The following ZNF704 variants were observed in gnomAD, a reference collection of about 807,000 sequenced individuals.
ZNF704 encodes glucocorticoid induced gene 1.
In ZNF704, 10 loss-of-function variants were observed where a neutral mutation model predicts 44.7. That is an observed-to-expected ratio of 0.22 (90% CI 0.14 to 0.38). The LOEUF is 0.38. ZNF704 is among the 10% of genes least tolerant of loss of function. The pLI, the probability that ZNF704 is intolerant of heterozygous loss-of-function variation, is 1.00. For missense variants in ZNF704, 390 were observed against 545.5 expected (o/e 0.71, Z 2.84); for synonymous variants, 211 against 207.6 (o/e 1.02, Z -0.14).
intron 1 of ZNF704, among the ~76,000 whole-genome samples, chr8:80,854,408 C>A (rs1808922883): frequency 6.6e-6 from 1 of 152,158 alleles, no homozygotes; most frequent in Non-Finnish European, 1.5e-5. Context: ...AGAGGGACTG[C>A]TTGAGCTTGG....
chr8:80,769,946 G>A (rs907710720), intron 2 of ZNF704, among the ~76,000 whole-genome samples: 1 of 152,144 alleles, frequency 6.6e-6, no homozygotes, highest in Admixed American at 6.5e-5. Context: ...ACAGTTCCAC[G>A]TGGCTGGGGA....
chr8:80,841,398 C>CCT (rs1554586643), intron 1 of ZNF704, among the ~76,000 whole-genome samples: 2 of 151,522 alleles, frequency 1.3e-5, no homozygotes, highest in African/African-American at 4.8e-5. Flanking sequence ...TTCTGCATTT[C>CCT]TTTTTTTTTC....
At chr8:80,656,524 C>A (rs1818019175) in intron 7 of ZNF704, among the ~76,000 whole-genome samples, 1 of 152,206 alleles carries the variant, frequency 6.6e-6, no homozygotes. Flanking sequence ...TCCTACCCCT[C>A]TCCCCACAGC....
chr8:80,741,917 A>G (rs1473378779), intron 2 of ZNF704, among the ~76,000 whole-genome samples: 1 of 152,208 alleles, frequency 6.6e-6, no homozygotes, highest in Non-Finnish European at 1.5e-5. Flanking sequence ...GGCAAAACTA[A>G]TAGCCCTCAC....
intron 2 of ZNF704, among the ~76,000 whole-genome samples, chr8:80,775,191 A>G (rs16908014): frequency 0.13 from 20,321 of 152,198 alleles, 2,113 homozygotes; most frequent in African/African-American, 0.29. Flanking sequence ...TATTCTTGCT[A>G]AAATTAAGGA....
In ZNF704 at chr8:80,643,031, G is replaced by A. The variant is rs774762934; in HGVS notation, c.1127+4C>T. The A allele has an allele frequency of 1.8e-5, 28 of 1,567,640 alleles. 1 individual carries two copies. The highest frequency in any genetic ancestry group is 1.4e-4 in the South Asian group (12 of 84,578). On this transcript the variant is annotated splice_donor_region_variant and intron_variant, in intron 8 of 8. Coordinates refer to ENST00000327835, the MANE Select transcript of ZNF704 (RefSeq NM_001033723.3). Reference sequence around the variant, plus strand: ...GGTGTGTGGAGTTTTTTAAGCTGTCGTACCTTAAGCTGACTGTGCCTCTGG... The same window carrying A: ...GGTGTGTGGAGTTTTTTAAGCTGTCATACCTTAAGCTGACTGTGCCTCTGG...
intron 2 of ZNF704, among the ~76,000 whole-genome samples, chr8:80,815,999 T>C (rs868345784): frequency 6.6e-6 from 1 of 152,236 alleles, no homozygotes; most frequent in African/African-American, 2.4e-5. Context: ...GTGAGCTACC[T>C]TGATGGTCTT....
At chr8:80,803,360 A>G (rs1175287741) in intron 2 of ZNF704, among the ~76,000 whole-genome samples, 2 of 151,976 alleles carry the variant, frequency 1.3e-5, no homozygotes, top group Non-Finnish European at 2.9e-5. Context: ...TGGATTAAAA[A>G]AGCCCAAATA....
intron 1 of ZNF704, among the ~76,000 whole-genome samples, chr8:80,867,687 G>A (rs1389466852): frequency 6.6e-6 from 1 of 152,142 alleles, no homozygotes; most frequent in African/African-American, 2.4e-5. Context: ...ACACATACTT[G>A]TTAGCAAATT....
intron 2 of ZNF704, among the ~76,000 whole-genome samples, chr8:80,794,994 T>C (rs959891860): frequency 1.3e-5 from 2 of 152,174 alleles, no homozygotes; most frequent in African/African-American, 2.4e-5. Flanking sequence ...CAGAAGTGCA[T>C]AGGATAAACC....
rs141740693 is a variant in ZNF704 at position 80,791,879 on chromosome 8, G to A, written c.221+29495C>T. ...ATGCAGAGAGGTTTGTAGGTGGCTG[G>A]AAGAATGGGTGTAAAGCCCAGGGAA... On this transcript the variant is annotated intron_variant, in intron 2 of 8. Transcript: ENST00000327835. Among the ~76,000 whole-genome samples, 3 of 152,318 alleles carry A rather than the reference G, an allele frequency of 2.0e-5. No homozygotes were observed. In the East Asian group the frequency reaches 5.8e-4, roughly 29 times the overall value.
intron 1 of ZNF704, among the ~76,000 whole-genome samples, chr8:80,864,629 AGATATG>A (rs1809123225): frequency 6.6e-6 from 1 of 152,202 alleles, no homozygotes; most frequent in Non-Finnish European, 1.5e-5. Context: ...GGGAGCAAGC[AGATATG>A]AGTTTAGAGG....
rs1009447818 is a variant in ZNF704 at position 80,848,604 on chromosome 8, G to C, written c.-22+25967C>G. 3.3e-5 allele frequency among the ~76,000 whole-genome samples: 5 copies of C among 152,058 alleles called. No homozygotes were observed. In the East Asian group the frequency reaches 5.8e-4, roughly 18 times the overall value. On this transcript the variant is annotated intron_variant, in intron 1 of 8. Coordinates refer to ENST00000327835, the MANE Select transcript of ZNF704 (RefSeq NM_001033723.3). ...TCATGCCTGTAATCCCAGCACTTTG[G>C]GGGGCCAAGGTGGGTGGATCCCTTC...
Position 80,670,556 on chromosome 8 carries a change from C to T in ZNF704, c.606G>A (p.Lys202=). 3.1e-6 allele frequency: 5 copies of T among 1,614,102 alleles called. No homozygotes were observed. Among genetic ancestry groups the T allele is most frequent in the Non-Finnish European group, 4.2e-6 (5 of 1,179,948 alleles). The change falls in exon 5 of 9, where the codon AAG becomes AAA. Residue 202 remains lysine, a synonymous_variant. Transcript: ENST00000327835. ...GGATACCTGCTGCAGTGCTCAGCAC[C>T]TTCCCACAGTTTTTCCAGAGGCATT... is the stretch of plus-strand genomic sequence containing the variant. ...MFKCLWKNCG[K]VLSTAAGIQK...
chr8:80,756,682 C>T (rs1328273725), intron 2 of ZNF704, among the ~76,000 whole-genome samples: 1 of 152,200 alleles, frequency 6.6e-6, no homozygotes, highest in East Asian at 1.9e-4. Flanking sequence ...ATATGCACTG[C>T]ATAAAAAATG....
chr8:80,701,284 TCAC>T (rs1240975735), intron 2 of ZNF704, among the ~76,000 whole-genome samples: 4 of 151,946 alleles, frequency 2.6e-5, no homozygotes, highest in Non-Finnish European at 5.9e-5. Flanking sequence ...CCGCCCTCGC[TCAC>T]CACAACTGCC....
chr8:80,757,895 G>A (rs577283737), intron 2 of ZNF704, among the ~76,000 whole-genome samples: 1 of 152,286 alleles, frequency 6.6e-6, no homozygotes. Context: ...TTTGTGTTAA[G>A]TATTCTATGA....
At chr8:80,819,396 C>A (rs1441615851) in intron 2 of ZNF704, among the ~76,000 whole-genome samples, 2 of 152,102 alleles carry the variant, frequency 1.3e-5, no homozygotes, top group Admixed American at 6.5e-5. Context: ...TAAAGGTATA[C>A]TTAAAACAAC....
At chr8:80,880,543 G>A in the ZNF704 span, among the ~76,000 whole-genome samples, 21 of 152,152 alleles carry the variant, frequency 1.4e-4, no homozygotes, top group African/African-American at 5.1e-4. Context: ...CATCCTTTTT[G>A]TCTCACATTA....
Sources: gnomAD v4.1 joint callset for allele counts (sites outside exome capture counted in the v4.1 genomes callset) on GRCh38, gnomAD v4.1.1 for gene constraint, MANE v1.5 for transcripts, NCBI Gene and HGNC (gene_info 2026-07-23, HGNC 2026-07-21) for gene names.